The following GRM7 variants were observed in gnomAD, a reference collection of about 807,000 sequenced individuals.
GRM7 encodes metabotropic glutamate receptor 7.
Under a neutral mutation model 84.5 loss-of-function variants are expected in GRM7, and 35 were observed. The ratio of observed to expected loss-of-function variants is 0.41; its 90% confidence interval spans 0.32 to 0.55. The LOEUF is 0.55. GRM7 is among the 20% of genes least tolerant of loss of function. The pLI, the probability that GRM7 is intolerant of heterozygous loss-of-function variation, is 0.19. For missense variants in GRM7, 1,003 were observed against 1,194.6 expected, an observed-to-expected ratio of 0.84 and a Z score of 2.36; for synonymous variants, 487 against 455.1, an observed-to-expected ratio of 1.07 and a Z score of -0.89.
At chr3:7,684,575 T>C (rs891100875) in intron 9 of GRM7, among the ~76,000 whole-genome samples, 5 of 152,216 alleles carry the variant, frequency 3.3e-5, no homozygotes, top group Non-Finnish European at 7.3e-5. Flanking sequence ...TACATAAAAA[T>C]GAATTTGCTT....
At chr3:7,388,125 T>G (rs1559286658) in intron 4 of GRM7, among the ~76,000 whole-genome samples, 1 of 152,156 alleles carries the variant, frequency 6.6e-6, no homozygotes, top group Non-Finnish European at 1.5e-5. Context: ...CTACTACTTT[T>G]TGTATGTTGA....
intron 8 of GRM7, among the ~76,000 whole-genome samples, chr3:7,626,333 G>A (rs1300118056): frequency 6.6e-6 from 1 of 152,206 alleles, no homozygotes; most frequent in Non-Finnish European, 1.5e-5. Flanking sequence ...AAGGCAACTA[G>A]AGTTACTCAG....
intron 2 of GRM7, among the ~76,000 whole-genome samples, chr3:7,229,616 G>T (rs566120551): frequency 6.7e-6 from 1 of 150,022 alleles, no homozygotes; most frequent in African/African-American, 2.4e-5. Flanking sequence ...TAACGGAAGG[G>T]TAAATGGATT....
At chr3:7,166,157 G>A (rs911303111) in intron 2 of GRM7, among the ~76,000 whole-genome samples, 4 of 152,114 alleles carry the variant, frequency 2.6e-5, no homozygotes, top group Non-Finnish European at 5.9e-5. Context: ...CTCTTTGTAC[G>A]GAGAGCAAAG....
intron 1 of GRM7, among the ~76,000 whole-genome samples, chr3:6,865,787 C>T (rs1056280375): frequency 5.3e-5 from 8 of 151,894 alleles, no homozygotes; most frequent in Non-Finnish European, 1.2e-4. Context: ...CATCGTAATC[C>T]GATAGAGCTG....
intron 1 of GRM7, among the ~76,000 whole-genome samples, chr3:7,027,263 C>T (rs765644875): frequency 3.3e-5 from 5 of 152,168 alleles, no homozygotes; most frequent in Non-Finnish European, 5.9e-5. Context: ...ATCTCACAGA[C>T]GTTTTGAGGC....
chr3:7,704,014 C>A lies in GRM7; in HGVS notation c.2698+23719C>A, dbSNP rs181515532. 2.8e-3 allele frequency among the ~76,000 whole-genome samples: 427 copies of A among 152,296 alleles called. 7 individuals carry two copies. Among genetic ancestry groups the A allele is most frequent in the Middle Eastern group, 0.02 (6 of 294 alleles). ...TTCTGCTGGGTTCCATTGACCAGCA[C>A]ACAAAATAGACTTAATAGATTGTCC... On this transcript the variant is annotated intron_variant, in intron 9 of 9. Transcript: ENST00000357716.
chr3:7,027,091 GT>G (rs1696011055), intron 1 of GRM7, among the ~76,000 whole-genome samples: 1 of 152,190 alleles, frequency 6.6e-6, no homozygotes, highest in African/African-American at 2.4e-5. Flanking sequence ...TCTTATTGAA[GT>G]TATTCTTGAC....
At chr3:6,978,189 A>T (rs1016805145) in intron 1 of GRM7, among the ~76,000 whole-genome samples, 2 of 152,166 alleles carry the variant, frequency 1.3e-5, no homozygotes, top group Admixed American at 6.5e-5. Context: ...AGCAGAAGAG[A>T]CACAGAGAAA....
At chr3:7,267,150 T>G (rs1238509589) in intron 2 of GRM7, among the ~76,000 whole-genome samples, 1 of 152,222 alleles carries the variant, frequency 6.6e-6, no homozygotes, top group South Asian at 2.1e-4. Flanking sequence ...TGGAAATTGC[T>G]TCTCTGTAGA....
chr3:7,211,821 T>C (rs1696439404), intron 2 of GRM7, among the ~76,000 whole-genome samples: 1 of 152,304 alleles, frequency 6.6e-6, no homozygotes, highest in Middle Eastern at 3.4e-3. Flanking sequence ...CCAGCTCTTT[T>C]TCCTGACCCC....
chr3:7,149,942 G>C (rs982453040), intron 2 of GRM7, among the ~76,000 whole-genome samples: 1 of 152,046 alleles, frequency 6.6e-6, no homozygotes, highest in Non-Finnish European at 1.5e-5. Context: ...TGTAACTAGA[G>C]GGTTATTTTT....
At chr3:7,062,939 T>C (rs1355905573) in intron 1 of GRM7, among the ~76,000 whole-genome samples, 2 of 151,720 alleles carry the variant, frequency 1.3e-5, no homozygotes, top group Non-Finnish European at 3.0e-5. Flanking sequence ...AACTCCTAGT[T>C]GAAGGAAATA....
chr3:7,193,115 T>C (rs1278074916), intron 2 of GRM7, among the ~76,000 whole-genome samples: 1 of 152,128 alleles, frequency 6.6e-6, no homozygotes, highest in Non-Finnish European at 1.5e-5. Context: ...ATAATTCCTA[T>C]ACCAGTACCT....
At chr3:7,392,537 G>A (rs556077992) in intron 4 of GRM7, among the ~76,000 whole-genome samples, 2 of 152,320 alleles carry the variant, frequency 1.3e-5, no homozygotes, top group South Asian at 2.1e-4. Flanking sequence ...TGTGACCAGA[G>A]GTGGGTGGAA....
intron 1 of GRM7, among the ~76,000 whole-genome samples, chr3:6,963,024 G>A (rs1185947296): frequency 4.6e-5 from 7 of 152,176 alleles, no homozygotes; most frequent in Non-Finnish European, 7.3e-5. Flanking sequence ...AAGGGCCCAT[G>A]TATAGTTCAT....
intron 1 of GRM7, among the ~76,000 whole-genome samples, chr3:7,020,108 A>G (rs890837966): frequency 2.0e-5 from 3 of 152,156 alleles, no homozygotes; most frequent in African/African-American, 7.2e-5. Flanking sequence ...CAGCATCCCA[A>G]AGTGCTGGGA....
In GRM7 at chr3:6,974,031, A is replaced by G. The variant is rs576388414; in HGVS notation, c.519+112124A>G. Among the ~76,000 whole-genome samples the G allele has an allele frequency of 3.3e-5, 5 of 152,342 alleles. No homozygotes were observed. In the South Asian group the frequency reaches 1.0e-3, roughly 32 times the overall value. On this transcript the variant is annotated intron_variant, in intron 1 of 9. Coordinates refer to ENST00000357716, the MANE Select transcript of GRM7 (RefSeq NM_000844.4). Reference sequence around the variant, plus strand: ...GAGGGATATGATGGTAGCTCAGACCAGAGTGCAAACTTTAAATTTGAAATG... The same window carrying G: ...GAGGGATATGATGGTAGCTCAGACCGGAGTGCAAACTTTAAATTTGAAATG...
chr3:7,575,368 T>C (rs565054547), intron 7 of GRM7, among the ~76,000 whole-genome samples: 1 of 152,056 alleles, frequency 6.6e-6, no homozygotes, highest in South Asian at 2.1e-4. Context: ...GCTTTCCAGC[T>C]AACTGAAACA....
Sources: gnomAD v4.1 joint callset for allele counts (sites outside exome capture counted in the v4.1 genomes callset) on GRCh38, gnomAD v4.1.1 for gene constraint, MANE v1.5 for transcripts, NCBI Gene and HGNC (gene_info 2026-07-23, HGNC 2026-07-21) for gene names.